Variants in ARL15 observed in about 807,000 individuals in gnomAD.
ARL15 encodes ADP-ribosylation factor-like protein 15.
ARL15 carries 19 observed loss-of-function variants against 25.2 expected under a neutral mutation model. The ratio of observed to expected loss-of-function variants is 0.75; its 90% CI spans 0.53 to 1.10. The LOEUF (loss-of-function observed/expected upper bound fraction) is 1.10, where lower values mean the gene tolerates loss of function less well. Ranked by LOEUF, ARL15 falls within the 50% of genes least tolerant of loss-of-function variation. The pLI is 0.00. For missense variants in ARL15, 220 were observed against 246.0 expected, an observed-to-expected ratio of 0.89 and a Z score of 0.71; for synonymous variants, 94 against 86.8, an observed-to-expected ratio of 1.08 and a Z score of -0.46.
intron 3 of ARL15, among the ~76,000 whole-genome samples, chr5:54,133,415 G>A (rs925163685): frequency 6.6e-6 from 1 of 152,082 alleles, no homozygotes; most frequent in Non-Finnish European, 1.5e-5. Context: ...ATCAAACCCC[G>A]AGGAGAGAGA....
intron 4 of ARL15, among the ~76,000 whole-genome samples, chr5:53,908,698 T>G (rs1229141214): frequency 6.6e-6 from 1 of 152,160 alleles, no homozygotes; most frequent in African/African-American, 2.4e-5. Context: ...AAATGTTTCT[T>G]TTTTGCAACT....
intron 1 of ARL15, among the ~76,000 whole-genome samples, chr5:54,210,795 C>T (rs1364055254): frequency 3.3e-5 from 5 of 152,186 alleles, no homozygotes; most frequent in African/African-American, 1.2e-4. Flanking sequence ...ACCTTATATG[C>T]CACATAGTTC....
intron 1 of ARL15, among the ~76,000 whole-genome samples, chr5:54,287,847 A>G (rs1758221645): frequency 6.6e-6 from 1 of 152,184 alleles, no homozygotes; most frequent in African/African-American, 2.4e-5. Context: ...GTTTAGCCTT[A>G]GTAGCTGACC....
intron 1 of ARL15, among the ~76,000 whole-genome samples, chr5:54,291,280 G>T (rs937772489): frequency 1.3e-5 from 2 of 152,168 alleles, no homozygotes; most frequent in Non-Finnish European, 2.9e-5. Context: ...TGGTTTCCAT[G>T]GGGGATTGGC....
chr5:54,078,428 A>C (rs959221714), intron 4 of ARL15, among the ~76,000 whole-genome samples: 1 of 152,334 alleles, frequency 6.6e-6, no homozygotes, highest in Non-Finnish European at 1.5e-5. Context: ...AAAACCTTCA[A>C]GTCACTAAAT....
At chr5:54,236,275 G>C (rs1756802820) in intron 1 of ARL15, among the ~76,000 whole-genome samples, 1 of 152,112 alleles carries the variant, frequency 6.6e-6, no homozygotes, top group Non-Finnish European at 1.5e-5. Flanking sequence ...AGTTATGGAA[G>C]CATTTTCTAG....
rs145633787 is a variant in ARL15 at position 54,072,502 on chromosome 5, T to C, written c.462+40700A>G. 4.7e-4 allele frequency among the ~76,000 whole-genome samples: 71 copies of C among 152,316 alleles called. No individual in the cohort carries two copies. The East Asian group carries it at 0.012, about 26-fold the overall frequency. On this transcript the variant is annotated intron_variant, in intron 4 of 4. Transcript: ENST00000504924. ...CTCAGCGCTGGTACAAATGCTATCATCATGTGGTCTAAATGTCTCCGAGAT... is the reference window on the plus strand; with the variant it reads ...CTCAGCGCTGGTACAAATGCTATCACCATGTGGTCTAAATGTCTCCGAGAT...
intron 4 of ARL15, among the ~76,000 whole-genome samples, chr5:53,906,178 T>C (rs576117776): frequency 1.7e-4 from 26 of 151,162 alleles, no homozygotes; most frequent in Admixed American, 1.3e-3. Context: ...GCTGAAATAC[T>C]TGAATTCTGA....
intron 4 of ARL15, among the ~76,000 whole-genome samples, chr5:54,104,608 G>T (rs1561225278): frequency 6.6e-6 from 1 of 151,596 alleles, no homozygotes; most frequent in Admixed American, 6.6e-5. Context: ...TTTATAATAG[G>T]AACTAAGATT....
intron 1 of ARL15, among the ~76,000 whole-genome samples, chr5:54,307,433 G>A (rs1036067633): frequency 2.0e-5 from 3 of 152,170 alleles, no homozygotes; most frequent in African/African-American, 4.8e-5. Flanking sequence ...GTCAGGCACC[G>A]CACCAGGTGA....
At chr5:53,902,300 A>T (rs1745094548) in intron 4 of ARL15, among the ~76,000 whole-genome samples, 1 of 152,220 alleles carries the variant, frequency 6.6e-6, no homozygotes, top group Non-Finnish European at 1.5e-5. Flanking sequence ...CTCCCTGCTA[A>T]TCCAATATTG....
intron 4 of ARL15, among the ~76,000 whole-genome samples, chr5:54,034,860 G>A (rs1341045718): frequency 6.6e-6 from 1 of 151,258 alleles, no homozygotes; most frequent in Non-Finnish European, 1.5e-5. Flanking sequence ...ACGGGGGGCG[G>A]TCTCTCATTG....
intron 2 of ARL15, among the ~76,000 whole-genome samples, chr5:54,169,626 A>G (rs375931250): frequency 1.2e-4 from 19 of 152,248 alleles, no homozygotes; most frequent in East Asian, 5.8e-4. Flanking sequence ...ATCTGTATCC[A>G]TGCCTAAACC....
At chr5:54,225,289 G>C (rs1227927925) in intron 1 of ARL15, among the ~76,000 whole-genome samples, 1 of 152,124 alleles carries the variant, frequency 6.6e-6, no homozygotes, top group Non-Finnish European at 1.5e-5. Flanking sequence ...ACCATGTCAT[G>C]GGGACTAGCG....
chr5:54,224,770 C>A (rs1009824819), intron 1 of ARL15, among the ~76,000 whole-genome samples: 4 of 152,130 alleles, frequency 2.6e-5, no homozygotes, highest in Non-Finnish European at 5.9e-5. Flanking sequence ...ACAGCACATA[C>A]TACTTTTTGT....
At chr5:54,181,819 T>C (rs1185020319) in intron 1 of ARL15, among the ~76,000 whole-genome samples, 1 of 151,878 alleles carries the variant, frequency 6.6e-6, no homozygotes, top group Non-Finnish European at 1.5e-5. Flanking sequence ...TGTTGTTTCC[T>C]GACTTTTTAA....
intron 4 of ARL15, among the ~76,000 whole-genome samples, chr5:54,083,248 C>T (rs945263614): frequency 6.6e-6 from 1 of 152,142 alleles, no homozygotes; most frequent in Non-Finnish European, 1.5e-5. Flanking sequence ...AAGAGAAAAG[C>T]TCATATATTC....
intron 4 of ARL15, among the ~76,000 whole-genome samples, chr5:53,981,442 G>A (rs1748115637): frequency 6.6e-6 from 1 of 152,124 alleles, no homozygotes. Context: ...GAGTCTTTCT[G>A]GGAGCACACA....
chr5:54,219,382 T>C (rs1298934423), intron 1 of ARL15, among the ~76,000 whole-genome samples: 1 of 152,158 alleles, frequency 6.6e-6, no homozygotes, highest in Non-Finnish European at 1.5e-5. Flanking sequence ...AAGACTAAAA[T>C]GCATCAAATC....
Sources: allele counts gnomAD v4.1 joint callset (sites outside exome capture counted in the v4.1 genomes callset), GRCh38; gene constraint gnomAD v4.1.1; transcripts MANE v1.5; gene names NCBI Gene and HGNC (gene_info 2026-07-23, HGNC 2026-07-21).